The following KIDINS220 variants were observed in gnomAD, a reference collection of about 807,000 sequenced individuals.
KIDINS220 encodes the protein kinase D-interacting substrate of 220 kDa.
Under a neutral mutation model 157.6 loss-of-function variants are expected in KIDINS220, and 63 were observed. That is an observed-to-expected ratio of 0.40 (90% CI 0.33 to 0.49). KIDINS220 has a LOEUF of 0.49. Ranked by LOEUF, KIDINS220 falls within the 20% of genes least tolerant of loss-of-function variation. The probability of loss-of-function intolerance (pLI) is 0.66; values close to 1 mark genes in which losing one functional copy is unlikely to be tolerated. For missense variants in KIDINS220, 1,772 were observed against 2,171.2 expected (o/e 0.82, Z 3.65); for synonymous variants, 732 against 783.6 (o/e 0.93, Z 1.10).
intron 22 of KIDINS220, among the ~76,000 whole-genome samples, chr2:8,752,876 CT>C (rs1343847161): frequency 6.6e-6 from 1 of 152,088 alleles, no homozygotes; most frequent in African/African-American, 2.4e-5. Flanking sequence ...GTCACTTAGT[CT>C]TTTATTATGC....
chr2:8,776,927 C>G (rs370698109), intron 20 of KIDINS220, 35 bp from the exon 21 acceptor site: 2 of 1,599,868 alleles, frequency 1.3e-6, no homozygotes, highest in Admixed American at 1.8e-5. Flanking sequence ...AAGGAACCCA[C>G]GCGTCCAGTC....
At position 8,818,798 on chromosome 2, in the gene KIDINS220, A is replaced by G. The variant is rs766631051; in HGVS notation, c.109-5T>C. 17 of 1,539,338 alleles carry G rather than the reference A, an allele frequency of 1.1e-5. No individual in the cohort carries two copies. Among genetic ancestry groups the G allele is most frequent in the Middle Eastern group, 1.7e-4 (1 of 5,876 alleles). On this transcript the variant is annotated splice_polypyrimidine_tract_variant and splice_region_variant and intron_variant, in intron 2 of 29. Transcript: ENST00000256707. The stretch of plus-strand genomic sequence containing the variant: ...CATCAGTGGAGTCTGGCCACACTAG[A>G]GAATATAAAAGACAAAGGGAACTTA...
chr2:8,778,851 C>T (rs1023848904), intron 19 of KIDINS220, 45 bp downstream of exon 19: 1 of 1,608,190 alleles, frequency 6.2e-7, no homozygotes, highest in Non-Finnish European at 8.5e-7. Flanking sequence ...AAAGAAACTA[C>T]AAAACTATTT....
intron 4 of KIDINS220, among the ~76,000 whole-genome samples, chr2:8,817,093 C>T (rs1446369919): frequency 6.6e-6 from 1 of 152,186 alleles, no homozygotes; most frequent in Non-Finnish European, 1.5e-5. Flanking sequence ...CAGAAATGAC[C>T]TCTCTCTTCA....
At chr2:8,728,280 C>T (rs554146331), downstream of KIDINS220, among the ~76,000 whole-genome samples, 1 of 152,184 alleles carries the variant, frequency 6.6e-6, no homozygotes, top group South Asian at 2.1e-4. Context: ...GCCATGATGG[C>T]GCCACTACAC....
intron 17 of KIDINS220, among the ~76,000 whole-genome samples, chr2:8,783,328 C>T (rs1465732602): frequency 6.6e-6 from 1 of 152,016 alleles, no homozygotes; most frequent in Non-Finnish European, 1.5e-5. Context: ...TAGAGAGGAA[C>T]TTCTTCAACT....
intron 3 of KIDINS220, 110 bp downstream of exon 3, chr2:8,818,585 T>G: frequency 1.6e-6 from 1 of 638,994 alleles, no homozygotes; most frequent in Non-Finnish European, 2.7e-6. Flanking sequence ...CTAGGCAAAG[T>G]TGAAATATAT....
At chr2:8,820,361 G>C (rs1446381328) in intron 2 of KIDINS220, among the ~76,000 whole-genome samples, 6 of 152,162 alleles carry the variant, frequency 3.9e-5, no homozygotes, top group Non-Finnish European at 7.3e-5. Context: ...CCCAGTGTGA[G>C]GGACAGTGGC....
intron 19 of KIDINS220, 36 bp downstream of exon 19, chr2:8,778,860 T>C (rs2148207179): frequency 1.2e-6 from 2 of 1,609,434 alleles, no homozygotes; most frequent in East Asian, 4.5e-5. Context: ...ACAAAACTAT[T>C]TCAAACTCAA....
intron 7 of KIDINS220, among the ~76,000 whole-genome samples, chr2:8,803,704 C>T (rs1345651244): frequency 6.6e-6 from 1 of 152,076 alleles, no homozygotes; most frequent in African/African-American, 2.4e-5. Context: ...AAAAATTGCA[C>T]ATCTATTTTA....
At chr2:8,820,521 A>C (rs576793071) in intron 2 of KIDINS220, among the ~76,000 whole-genome samples, 2 of 152,366 alleles carry the variant, frequency 1.3e-5, no homozygotes, top group South Asian at 4.1e-4. Flanking sequence ...TAATACAAGT[A>C]AGGATTTAAA....
chr2:8,731,874 T>C lies in KIDINS220; in HGVS notation c.4162A>G (p.Arg1388Gly). The C allele has an allele frequency of 6.2e-7, 1 of 1,614,214 alleles. No homozygotes were observed. The highest frequency in any genetic ancestry group is 8.5e-7 in the Non-Finnish European group (1 of 1,180,036). ...KVQAEYRDAY[R>G]EYIAQMSQLE... is the part of the protein sequence containing the mutation. ...TGGGACATCTGAGCAATGTATTCTC[T>C]ATAGGCATCTCTATACTCGGCCTGC... The change falls in exon 30 of 30, where the codon AGA (arginine) becomes GGA (glycine). Residue 1388 changes from arginine to glycine, a missense_variant. Transcript: ENST00000256707. The surrounding 1 kb of genome is among the most constrained non-coding windows in gnomAD (Gnocchi z 5.2).
chr2:8,814,416 T>C (rs1676758358), intron 4 of KIDINS220, among the ~76,000 whole-genome samples: 1 of 152,046 alleles, frequency 6.6e-6, no homozygotes, highest in East Asian at 1.9e-4. Flanking sequence ...TATTCATAAG[T>C]CCATACTGAA....
chr2:8,750,581 T>A (rs1667211465), intron 23 of KIDINS220, among the ~76,000 whole-genome samples: 1 of 152,232 alleles, frequency 6.6e-6, no homozygotes, highest in Admixed American at 6.5e-5. Flanking sequence ...TGGATTCTTC[T>A]CTTCAGTTAT....
Position 8,796,870 on chromosome 2 carries a change from C to T in KIDINS220, c.1000-1G>A. 6.2e-7 allele frequency: 1 copy of T among 1,611,508 alleles called. No individual in the cohort carries two copies. Among genetic ancestry groups the T allele is most frequent in the Non-Finnish European group, 8.5e-7 (1 of 1,177,622 alleles). ...CCTTTATAAGTGGCGTTTCACCATCCTGTGGGCACAAATAAGAACATTTGC... is the reference window on the plus strand; with the variant it reads ...CCTTTATAAGTGGCGTTTCACCATCTTGTGGGCACAAATAAGAACATTTGC... On this transcript the variant is annotated splice_acceptor_variant, in intron 10 of 29. Transcript: ENST00000256707. LOFTEE classifies it high-confidence loss of function.
intron 12 of KIDINS220, among the ~76,000 whole-genome samples, chr2:8,792,066 A>G (rs17722278): frequency 0.16 from 23,626 of 152,220 alleles, 1,948 homozygotes; most frequent in Middle Eastern, 0.22. Flanking sequence ...TCATGAAAAA[A>G]TTAAATTAAA....
At chr2:8,724,969 T>C (rs561244601), downstream of KIDINS220, 6 of 152,268 alleles carry the variant, frequency 3.9e-5, no homozygotes, top group South Asian at 1.2e-3. The surrounding 1 kb of genome is among the most constrained non-coding windows in gnomAD (Gnocchi z 4.6). Flanking sequence ...CTTTCTGAGA[T>C]CTAGGATTTG....
At position 8,788,753 on chromosome 2, in the gene KIDINS220, T is replaced by G; in HGVS notation, c.1681A>C (p.Ser561Arg). ...CCAATATGTCTTGCCAATCTAGTGC[T>G]GAGGACCCAGGCCCAATTCCAACTC... is the stretch of plus-strand genomic sequence containing the variant. ...GESWNWAWVL[S>R]TRLARHIGYL... Residue 561 changes from serine (S) to arginine (R), a missense_variant, in exon 15 of 30, where the codon AGC (serine) becomes CGC (arginine). Physicochemically the swap from Ser to Arg is moderately radical, Grantham distance 110. This residue lies in a region of KIDINS220 where 725 missense variants were observed against 1,017.1 expected (regional missense o/e 0.71). Transcript: ENST00000256707. 6.2e-7 allele frequency: 1 copy of G among 1,614,166 alleles called. No individual in the cohort carries two copies. Among genetic ancestry groups the G allele is most frequent in the Non-Finnish European group, 8.5e-7 (1 of 1,179,994 alleles).
intron 13 of KIDINS220, 60 bp from the exon 14 acceptor site, chr2:8,790,119 A>G: frequency 6.9e-7 from 1 of 1,457,668 alleles, no homozygotes; most frequent in Non-Finnish European, 9.3e-7. Context: ...ACAACTTTTA[A>G]CTCAATATGC....
Sources: gnomAD v4.1 joint callset for allele counts (sites outside exome capture counted in the v4.1 genomes callset) on GRCh38, gnomAD v4.1.1 for gene constraint, gnomAD v4.1.1 regional missense constraint, Gnocchi (gnomAD v3.1) non-coding constraint, MANE v1.5 for transcripts, NCBI Gene and HGNC (gene_info 2026-07-23, HGNC 2026-07-21) for gene names.